The following EIF4ENIF1 variants were observed in gnomAD, a reference collection of about 807,000 sequenced individuals.
EIF4ENIF1 encodes the protein eukaryotic translation initiation factor 4E nuclear import factor 1, also known as eukaryotic translation initiation factor 4E transporter.
A neutral mutation model predicts 110.5 loss-of-function variants in EIF4ENIF1; 23 were observed. The ratio of observed to expected loss-of-function variants is 0.21; its 90% confidence interval spans 0.15 to 0.29. The LOEUF is 0.29. EIF4ENIF1 is among the 10% of genes least tolerant of loss of function. The pLI is 1.00. For synonymous variants in EIF4ENIF1, 440 were observed against 437.0 expected (o/e 1.01, Z -0.09); for missense variants, 1,031 against 1,221.1 (o/e 0.84, Z 2.32).
intron 2 of EIF4ENIF1, among the ~76,000 whole-genome samples, chr22:31,477,861 G>A (rs2051649361): frequency 6.6e-6 from 1 of 152,196 alleles, no homozygotes; most frequent in African/African-American, 2.4e-5. Context: ...AGTATTTACT[G>A]TTCTTGAAAA....
chr22:31,471,566 G>T (rs371283425), intron 3 of EIF4ENIF1, among the ~76,000 whole-genome samples: 1 of 152,120 alleles, frequency 6.6e-6, no homozygotes, highest in East Asian at 1.9e-4. Flanking sequence ...CGCCTGCCTT[G>T]GCCTCCCAAA....
intron 2 of EIF4ENIF1, among the ~76,000 whole-genome samples, chr22:31,488,290 C>T (rs949127647): frequency 1.3e-5 from 2 of 152,108 alleles, no homozygotes; most frequent in African/African-American, 4.8e-5. Flanking sequence ...CATCCTAGGG[C>T]TTTAATCCTC....
chr22:31,469,620 CTCTT>C (rs1242195795), intron 3 of EIF4ENIF1, among the ~76,000 whole-genome samples: 1 of 152,140 alleles, frequency 6.6e-6, no homozygotes, highest in Non-Finnish European at 1.5e-5. Flanking sequence ...AAGCTCTCTC[CTCTT>C]TCTTATTTTT....
At chr22:31,456,445 G>T (rs371234075) in intron 7 of EIF4ENIF1, among the ~76,000 whole-genome samples, 25 of 151,668 alleles carry the variant, frequency 1.6e-4, no homozygotes, top group Non-Finnish European at 2.1e-4. Flanking sequence ...GGATGGTCTC[G>T]ATCTCCTGAC....
At chr22:31,488,482 T>C (rs1011228180) in intron 2 of EIF4ENIF1, 141 bp downstream of exon 2, 1 of 1,295,722 alleles carries the variant, frequency 7.7e-7, no homozygotes, top group Non-Finnish European at 1.1e-6. Context: ...TTCAAAGTAA[T>C]GCACTACTAA....
In EIF4ENIF1 at chr22:31,456,285, A is replaced by G. The variant is rs541364181; in HGVS notation, c.964-298T>C. 3.0e-3 allele frequency among the ~76,000 whole-genome samples: 433 copies of G among 144,012 alleles called. 3 individuals carry two copies. The South Asian group carries it at 0.042, about 14-fold the overall frequency. 94.5% of individuals were successfully genotyped at this position (144,012 alleles called of 152,430 possible). A position where few individuals can be genotyped will look rare whatever the true frequency, so the allele number is the denominator to read the frequency against. On this transcript the variant is annotated intron_variant, in intron 7 of 18. Transcript: ENST00000330125. ...GTCACCCAGGCTGGAGTGCAGTGGC[A>G]CGATCTCGGCTCACTGCAAGCTCCG...
At chr22:31,482,403 C>T (rs894679740) in intron 2 of EIF4ENIF1, among the ~76,000 whole-genome samples, 8 of 152,130 alleles carry the variant, frequency 5.3e-5, no homozygotes, top group African/African-American at 1.4e-4. Context: ...TCTATTTGGC[C>T]GGGTGCGGTA....
chr22:31,445,440 CTTCT>C (rs1001063664), intron 14 of EIF4ENIF1, among the ~76,000 whole-genome samples: 1 of 152,158 alleles, frequency 6.6e-6, no homozygotes, highest in Admixed American at 6.5e-5. Flanking sequence ...AAATTCATGG[CTTCT>C]TTCTAGTTAG....
At chr22:31,491,508 G>A (rs1355689281), upstream of EIF4ENIF1, among the ~76,000 whole-genome samples, 1 of 152,080 alleles carries the variant, frequency 6.6e-6, no homozygotes, top group Admixed American at 6.6e-5. Context: ...GAAAGGGATC[G>A]CAGTATACCT....
At chr22:31,441,658 A>G in intron 17 of EIF4ENIF1, 116 bp downstream of exon 17, 1 of 910,498 alleles carries the variant, frequency 1.1e-6, no homozygotes, top group Non-Finnish European at 1.6e-6. Flanking sequence ...AGATGGGAGA[A>G]TCTAGTAACA....
intron 2 of EIF4ENIF1, among the ~76,000 whole-genome samples, chr22:31,481,054 C>T (rs150217028): frequency 8.8e-4 from 134 of 152,216 alleles, no homozygotes; most frequent in Admixed American, 2.4e-3. Context: ...AAAAAAGGAA[C>T]GGGTAGGAAA....
chr22:31,453,190 C>G (rs1488102468), intron 10 of EIF4ENIF1, among the ~76,000 whole-genome samples: 1 of 152,134 alleles, frequency 6.6e-6, no homozygotes, highest in Non-Finnish European at 1.5e-5. Context: ...TGGGTAAGAA[C>G]TACCCTCTCA....
At chr22:31,474,182 C>T (rs1425357990) in intron 2 of EIF4ENIF1, among the ~76,000 whole-genome samples, 8 of 151,992 alleles carry the variant, frequency 5.3e-5, no homozygotes, top group Non-Finnish European at 1.0e-4. Context: ...CTCAGCCTCC[C>T]GAATAGCTGG....
intron 4 of EIF4ENIF1, among the ~76,000 whole-genome samples, chr22:31,467,808 A>C (rs1425875524): frequency 6.7e-6 from 1 of 148,806 alleles, no homozygotes; most frequent in African/African-American, 2.5e-5. Context: ...AAAACAGAAC[A>C]AAAAAAAAAG....
chr22:31,455,391 C>CTTT, intron 8 of EIF4ENIF1, 76 bp from the exon 9 acceptor site: 1 of 886,296 alleles, frequency 1.1e-6, no homozygotes, highest in South Asian at 3.6e-5. Context: ...ATTTTTCTTT[C>CTTT]TTTCTTTTTT....
chr22:31,473,268 G>A (rs2051451892), intron 2 of EIF4ENIF1, among the ~76,000 whole-genome samples: 1 of 152,116 alleles, frequency 6.6e-6, no homozygotes. Flanking sequence ...GGTATGCACA[G>A]GAGAGAGGCT....
intron 2 of EIF4ENIF1, among the ~76,000 whole-genome samples, chr22:31,477,022 A>G (rs2051600176): frequency 6.7e-6 from 1 of 149,498 alleles, no homozygotes; most frequent in Admixed American, 6.7e-5. Context: ...TGGCATGCCT[A>G]TTGTCCAGGC....
chr22:31,455,194 C>T lies in EIF4ENIF1; in HGVS notation c.1221G>A (p.Val407=). ...DILEMLQKAK[V]DLKPLLSSLS... is the part of the protein sequence containing the mutation. ...GGCTGGAAAGAAGAGGTTTCAAATC[C>T]ACTTTGGCTTTCTGTAGCATTTCTA... Residue 407 remains valine (V), a synonymous_variant, in exon 9 of 19, where the codon GTG becomes GTA. Transcript: ENST00000330125. 6.2e-7 allele frequency: 1 copy of T among 1,613,610 alleles called. No homozygotes were observed. The highest frequency in any genetic ancestry group is 1.3e-5 in the African/African-American group (1 of 74,960).
At chr22:31,440,427 G>C (rs1250688370) in intron 18 of EIF4ENIF1, among the ~76,000 whole-genome samples, 1 of 152,152 alleles carries the variant, frequency 6.6e-6, no homozygotes, top group Non-Finnish European at 1.5e-5. Flanking sequence ...GGGCAGGCCG[G>C]ATGCTGAACC....
Sources: allele counts gnomAD v4.1 joint callset (sites outside exome capture counted in the v4.1 genomes callset), GRCh38; gene constraint gnomAD v4.1.1; transcripts MANE v1.5; gene names NCBI Gene and HGNC (gene_info 2026-07-23, HGNC 2026-07-21).